VKORC1L1: variants seen among roughly 807,000 people sequenced by gnomAD.
VKORC1L1 encodes the protein vitamin K epoxide reductase complex subunit 1L1.
VKORC1L1 carries 2 observed loss-of-function variants against 18.9 expected under a neutral mutation model. The ratio of observed to expected loss-of-function variants is 0.11; its 90% CI spans 0.04 to 0.33. VKORC1L1 has a LOEUF of 0.33. Among genes scored for constraint, VKORC1L1 ranks in the 10% least tolerant of loss-of-function variants. The pLI is 1.00. For synonymous variants in VKORC1L1, 96 were observed against 100.0 expected (o/e 0.96, Z 0.24); for missense variants, 123 against 224.1 (o/e 0.55, Z 2.88).
intron 1 of VKORC1L1, among the ~76,000 whole-genome samples, chr7:65,940,676 A>G (rs1178474286): frequency 2.6e-5 from 4 of 152,324 alleles, no homozygotes; most frequent in African/African-American, 9.6e-5. Flanking sequence ...ATTCCTTCAC[A>G]TGGTTGATCT....
At chr7:65,866,716 C>T in the VKORC1L1 span, among the ~76,000 whole-genome samples, 1 of 151,952 alleles carries the variant, frequency 6.6e-6, no homozygotes, top group Non-Finnish European at 1.5e-5. Flanking sequence ...TTGAGGCTGG[C>T]CTGAGTGACA....
intron 1 of VKORC1L1, among the ~76,000 whole-genome samples, chr7:65,944,659 G>A (rs1790088395): frequency 6.6e-6 from 1 of 151,608 alleles, no homozygotes; most frequent in Non-Finnish European, 1.5e-5. Context: ...ACTCACACCT[G>A]TAATCCCAGC....
intron 1 of VKORC1L1, among the ~76,000 whole-genome samples, chr7:65,890,184 G>A (rs1789088415): frequency 6.9e-6 from 1 of 145,464 alleles, no homozygotes; most frequent in Middle Eastern, 3.5e-3. Context: ...AGGCTGGAGT[G>A]CAGTGGTGTG....
chr7:65,947,272 A>G (rs1790135753), intron 1 of VKORC1L1, among the ~76,000 whole-genome samples: 1 of 152,186 alleles, frequency 6.6e-6, no homozygotes, highest in Non-Finnish European at 1.5e-5. Context: ...GTTTCATTCT[A>G]TATCTTGGGC....
intron 1 of VKORC1L1, among the ~76,000 whole-genome samples, chr7:65,934,898 C>G (rs1789915623): frequency 6.6e-6 from 1 of 151,752 alleles, no homozygotes; most frequent in African/African-American, 2.4e-5. Flanking sequence ...ACTAAAAATA[C>G]AAAAAATTAG....
At chr7:65,880,826 C>T (rs566785386) in intron 1 of VKORC1L1, among the ~76,000 whole-genome samples, 1 of 152,250 alleles carries the variant, frequency 6.6e-6, no homozygotes, top group East Asian at 1.9e-4. Context: ...CAAAACCAGG[C>T]GTTCTTATAA....
chr7:65,873,375 G>C lies in VKORC1L1; in HGVS notation c.4G>C (p.Ala2Pro). The change falls in exon 1 of 3, where the codon GCG becomes CCG. Residue 2 changes from alanine (A) to proline (P), a missense_variant. Transcript: ENST00000360768. ...CGGCGGCGGCGGCGGCGGGAAGATG[G>C]CGGCTCCCGTCCTGCTAAGAGTGTC... The part of the protein sequence containing the change: M[A>P]APVLLRVSVP... 6.6e-7 allele frequency: 1 copy of C among 1,508,638 alleles called. No homozygotes were observed. The highest frequency in any genetic ancestry group is 8.8e-7 in the Non-Finnish European group (1 of 1,130,166). The allele number at this position is 1,508,638 out of a possible 1,614,324, so 93.5% of individuals were successfully genotyped here.
intron 1 of VKORC1L1, among the ~76,000 whole-genome samples, chr7:65,938,810 G>T (rs1045956533): frequency 1.3e-5 from 2 of 152,202 alleles, no homozygotes; most frequent in African/African-American, 2.4e-5. Flanking sequence ...GCGAAGCCTT[G>T]AAACAGCCGA....
intron 2 of VKORC1L1, among the ~76,000 whole-genome samples, chr7:65,951,244 T>C (rs764699879): frequency 2.0e-5 from 3 of 152,188 alleles, no homozygotes; most frequent in Non-Finnish European, 4.4e-5. Context: ...ATTTTTAATT[T>C]AATTTTTTCA....
At chr7:65,919,279 GTCAT>G (rs80329955) in intron 1 of VKORC1L1, among the ~76,000 whole-genome samples, 5,659 of 152,158 alleles carry the variant, frequency 0.037, 160 homozygotes, top group East Asian at 0.09. Context: ...ACTTGTTGAT[GTCAT>G]TCAGTCTCTT....
At chr7:65,889,750 C>T (rs532712644) in intron 1 of VKORC1L1, among the ~76,000 whole-genome samples, 9 of 152,210 alleles carry the variant, frequency 5.9e-5, no homozygotes, top group Admixed American at 3.3e-4. Flanking sequence ...TTTCTAAGAT[C>T]GCACCTAAAC....
intron 1 of VKORC1L1, among the ~76,000 whole-genome samples, chr7:65,877,389 C>T (rs1045369798): frequency 6.6e-6 from 1 of 151,670 alleles, no homozygotes; most frequent in Non-Finnish European, 1.5e-5. Flanking sequence ...GCTCTGTCAC[C>T]CGGACTGGAG....
intron 1 of VKORC1L1, among the ~76,000 whole-genome samples, chr7:65,935,065 A>C (rs1011604158): frequency 1.2e-4 from 18 of 151,828 alleles, no homozygotes; most frequent in African/African-American, 4.4e-4. Context: ...AAAAAAAAAA[A>C]AAAAAGGGGG....
chr7:65,942,983 A>G lies in VKORC1L1; in HGVS notation c.195-5688A>G, dbSNP rs192631359. Among the ~76,000 whole-genome samples the G allele has an allele frequency of 9.8e-5, 15 of 152,358 alleles. No individual in the cohort carries two copies. The East Asian group carries it at 2.9e-3, about 29-fold the overall frequency. On this transcript the variant is annotated intron_variant, in intron 1 of 2. Transcript: ENST00000360768. ...ATATAGTGATAACCATATAAACAAT[A>G]TATACTGATAGAACCAAAAATTTTG... is the stretch of plus-strand genomic sequence containing the variant.
At chr7:65,883,136 C>CTTTTTTTT (rs34906605) in intron 1 of VKORC1L1, among the ~76,000 whole-genome samples, 4 of 109,588 alleles carry the variant, frequency 3.7e-5, no homozygotes, top group Admixed American at 1.9e-4. Flanking sequence ...TACATTTGAG[C>CTTTTTTTT]TTTTTTTTTT....
At chr7:65,948,913 T>A in intron 2 of VKORC1L1, 133 bp downstream of exon 2, 1 of 1,146,054 alleles carries the variant, frequency 8.7e-7, no homozygotes, top group Non-Finnish European at 1.2e-6. Context: ...TTTTGTGTTA[T>A]GAAAACTTGA....
intron 1 of VKORC1L1, among the ~76,000 whole-genome samples, chr7:65,883,275 G>A (rs1365508561): frequency 6.6e-6 from 1 of 150,922 alleles, no homozygotes; most frequent in Non-Finnish European, 1.5e-5. Flanking sequence ...CTGAGTAGCT[G>A]GAACTACAGG....
At chr7:65,915,610 C>T (rs990958838) in intron 1 of VKORC1L1, among the ~76,000 whole-genome samples, 14 of 149,108 alleles carry the variant, frequency 9.4e-5, no homozygotes, top group African/African-American at 1.5e-4. Flanking sequence ...CTCTCCATCC[C>T]TTGCAGTTTA....
intron 1 of VKORC1L1, among the ~76,000 whole-genome samples, chr7:65,889,092 T>TC (rs1347423790): frequency 3.9e-5 from 6 of 151,980 alleles, no homozygotes; most frequent in African/African-American, 1.5e-4. Context: ...TCTCAATTTT[T>TC]TTTTTTTTTT....
Sources: gnomAD v4.1 joint callset for allele counts (sites outside exome capture counted in the v4.1 genomes callset) on GRCh38, gnomAD v4.1.1 for gene constraint, MANE v1.5 for transcripts, NCBI Gene and HGNC (gene_info 2026-07-23, HGNC 2026-07-21) for gene names.